MAD1L1: variants seen among roughly 807,000 people sequenced by gnomAD.
MAD1L1 encodes the protein mitotic arrest deficient 1 like 1, also known as mitotic spindle assembly checkpoint protein MAD1.
Under a neutral mutation model 96.9 loss-of-function variants are expected in MAD1L1, and 95 were observed. That is an observed-to-expected ratio of 0.98 (90% CI 0.83 to 1.16). The LOEUF (loss-of-function observed/expected upper bound fraction) is 1.16, where lower values mean the gene tolerates loss of function less well. Ranked by LOEUF, MAD1L1 falls within the 50% of genes most tolerant of loss-of-function variation. The pLI, the probability that MAD1L1 is intolerant of heterozygous loss-of-function variation, is 0.00. For synonymous variants in MAD1L1, 473 were observed against 396.6 expected, an observed-to-expected ratio of 1.19 and a Z score of -2.29; for missense variants, 1,007 against 954.4, an observed-to-expected ratio of 1.06 and a Z score of -0.73.
Position 2,179,789 on chromosome 7 carries a change from G to A in MAD1L1, c.987-30551C>T, listed in dbSNP as rs554880330. On this transcript the variant is annotated intron_variant, in intron 10 of 18. Coordinates refer to ENST00000265854, the MANE Select transcript of MAD1L1 (RefSeq NM_001013836.2). The stretch of plus-strand genomic sequence containing the variant: ...GTTTGAGACCAGCCTGGCCAACATG[G>A]TGAAACCTCATCCCTACTAAAAATA... Among the ~76,000 whole-genome samples, 175 of 152,118 alleles carry A rather than the reference G, an allele frequency of 1.2e-3. 3 individuals carry two copies. Among genetic ancestry groups the A allele is most frequent in the Middle Eastern group, 6.8e-3 (2 of 294 alleles).
intron 13 of MAD1L1, among the ~76,000 whole-genome samples, chr7:2,002,445 C>G (rs1422451929): frequency 6.6e-6 from 1 of 152,220 alleles, no homozygotes; most frequent in Non-Finnish European, 1.5e-5. Context: ...CCAAGAGGGA[C>G]TGTGGAACTG....
intron 18 of MAD1L1, among the ~76,000 whole-genome samples, chr7:1,871,670 G>A (rs71523279): frequency 4.2e-5 from 6 of 143,214 alleles, no homozygotes; most frequent in East Asian, 2.1e-4. Flanking sequence ...CCCAACATAC[G>A]CCTGCCACGC....
In MAD1L1 at chr7:1,915,840, A is replaced by C. The variant is rs146055513; in HGVS notation, c.1808-17450T>G. Among the ~76,000 whole-genome samples the C allele has an allele frequency of 1.5e-3, 230 of 152,354 alleles. 1 individual carries two copies. The highest frequency in any genetic ancestry group is 5.3e-3 in the African/African-American group (220 of 41,592). On this transcript the variant is annotated intron_variant, in intron 17 of 18. Coordinates refer to ENST00000265854, the MANE Select transcript of MAD1L1 (RefSeq NM_001013836.2). ...AAGGGGCTTAGTCTAAGGTCGATTC[A>C]ACACTGGGGTCAGCAGGGAATTCTT...
At chr7:2,052,540 C>G (rs28733985) in intron 12 of MAD1L1, among the ~76,000 whole-genome samples, 2 of 152,002 alleles carry the variant, frequency 1.3e-5, no homozygotes, top group African/African-American at 4.8e-5. Context: ...CCAGGGAGGG[C>G]ACCTGACAGC....
At position 1,848,619 on chromosome 7, in the gene MAD1L1, G is replaced by A. The variant is rs146746334; in HGVS notation, c.1999-32391C>T. 215 of 154,174 alleles carry A rather than the reference G, an allele frequency of 1.4e-3. 3 individuals are homozygous for A. Among genetic ancestry groups the A allele is most frequent in the African/African-American group, 4.3e-3 (179 of 41,644 alleles). The allele number at this position is 154,174 out of a possible 1,614,324, so 9.6% of individuals were successfully genotyped here. On this transcript the variant is annotated intron_variant, in intron 18 of 18. Transcript: ENST00000265854. ...GCCCTCAAGGGGCACCATGGACCCC[G>A]AGCACCAGCGATTTGCGCTCCTGGT...
intron 18 of MAD1L1, among the ~76,000 whole-genome samples, chr7:1,850,487 C>A (rs1039456681): frequency 1.3e-5 from 2 of 152,202 alleles, no homozygotes; most frequent in Non-Finnish European, 2.9e-5. Context: ...GGTGGGGGTA[C>A]CCCAAGTTCC....
intron 17 of MAD1L1, among the ~76,000 whole-genome samples, chr7:1,899,182 A>C (rs539719012): frequency 1.3e-5 from 2 of 152,360 alleles, no homozygotes; most frequent in East Asian, 3.9e-4. Context: ...ACTGCTCTGC[A>C]GAGCCATCAG....
chr7:1,867,358 G>T (rs746989781), intron 18 of MAD1L1, among the ~76,000 whole-genome samples: 54 of 152,320 alleles, frequency 3.5e-4, no homozygotes, highest in Non-Finnish European at 6.9e-4. Context: ...CCCGGAAGAT[G>T]TAGAGGAGAG....
At chr7:2,032,152 G>A (rs928436152) in intron 12 of MAD1L1, among the ~76,000 whole-genome samples, 4 of 152,168 alleles carry the variant, frequency 2.6e-5, no homozygotes, top group Admixed American at 2.6e-4. Flanking sequence ...CGGGACGCCC[G>A]GCCCCAGTCC....
chr7:2,226,156 A>G (rs1343898574), intron 3 of MAD1L1, among the ~76,000 whole-genome samples: 3 of 152,238 alleles, frequency 2.0e-5, no homozygotes, highest in Non-Finnish European at 4.4e-5. Flanking sequence ...GAGTACATCA[A>G]GCCCACCAGG....
At chr7:1,885,907 C>T (rs965678774) in intron 18 of MAD1L1, among the ~76,000 whole-genome samples, 1 of 152,256 alleles carries the variant, frequency 6.6e-6, no homozygotes, top group Non-Finnish European at 1.5e-5. Context: ...GACCCCTGCC[C>T]GGCATCTCTG....
chr7:1,885,898 AC>A (rs1437536274), intron 18 of MAD1L1, among the ~76,000 whole-genome samples: 2 of 151,674 alleles, frequency 1.3e-5, no homozygotes, highest in Non-Finnish European at 2.9e-5. Context: ...CCCAGCAGGG[AC>A]CCCTGCCCGG....
chr7:2,140,951 C>T (rs1463125036), intron 11 of MAD1L1, among the ~76,000 whole-genome samples: 1 of 152,246 alleles, frequency 6.6e-6, no homozygotes, highest in African/African-American at 2.4e-5. Context: ...TATGTAAATG[C>T]CATTTTAAAT....
chr7:1,914,555 CT>C (rs1321631023), intron 17 of MAD1L1, among the ~76,000 whole-genome samples: 2 of 152,218 alleles, frequency 1.3e-5, no homozygotes, highest in African/African-American at 4.8e-5. Context: ...CTGATGACCC[CT>C]GGCCTTTAGC....
chr7:1,925,056 GGACA>G (rs1352146450), intron 17 of MAD1L1, among the ~76,000 whole-genome samples: 1 of 151,904 alleles, frequency 6.6e-6, no homozygotes, highest in Non-Finnish European at 1.5e-5. Context: ...AAAAAATGGA[GGACA>G]AACAGAAAAC....
At chr7:2,006,802 A>C (rs1172835449) in intron 13 of MAD1L1, among the ~76,000 whole-genome samples, 1 of 152,146 alleles carries the variant, frequency 6.6e-6, no homozygotes, top group African/African-American at 2.4e-5. Flanking sequence ...GGCACCAGGA[A>C]GCTTTGGGGG....
At chr7:2,080,633 C>T (rs571362375) in intron 11 of MAD1L1, among the ~76,000 whole-genome samples, 3 of 150,524 alleles carry the variant, frequency 2.0e-5, no homozygotes, top group South Asian at 4.2e-4. Context: ...CAAAGAACAG[C>T]GCTGGGCTCT....
At chr7:1,907,308 C>G (rs533251637) in intron 17 of MAD1L1, among the ~76,000 whole-genome samples, 2 of 152,368 alleles carry the variant, frequency 1.3e-5, no homozygotes, top group South Asian at 2.1e-4. Flanking sequence ...ACCCCAAGCC[C>G]CAGACTCTGC....
At chr7:1,963,876 TCTCTCG>T (rs543650987) in intron 15 of MAD1L1, among the ~76,000 whole-genome samples, 11 of 152,180 alleles carry the variant, frequency 7.2e-5, no homozygotes, top group Non-Finnish European at 1.6e-4. Flanking sequence ...AGTGTCACCG[TCTCTCG>T]GCAGGGTGGC....
Sources: gnomAD v4.1 joint callset for allele counts (sites outside exome capture counted in the v4.1 genomes callset) on GRCh38, gnomAD v4.1.1 for gene constraint, MANE v1.5 for transcripts, NCBI Gene and HGNC (gene_info 2026-07-23, HGNC 2026-07-21) for gene names.